The following ACSM3 variants were observed in gnomAD, a reference collection of about 807,000 sequenced individuals.
ACSM3 encodes the protein acyl-coenzyme A synthetase ACSM3, mitochondrial.
ACSM3 carries 61 observed loss-of-function variants against 74.1 expected under a neutral mutation model. The ratio of observed to expected loss-of-function variants is 0.82; its 90% CI spans 0.67 to 1.02. The LOEUF (loss-of-function observed/expected upper bound fraction) is 1.02, where lower values mean the gene tolerates loss of function less well. Among genes scored for constraint, ACSM3 ranks in the 50% least tolerant of loss-of-function variants. ACSM3 has a pLI of 0.00. For missense variants in ACSM3, 660 were observed against 697.0 expected, an observed-to-expected ratio of 0.95 and a Z score of 0.60; for synonymous variants, 213 against 241.5, an observed-to-expected ratio of 0.88 and a Z score of 1.09.
At chr16:20,721,018 A>C (rs2079783364) in intron 1 of ACSM3, 1 of 152,228 alleles carries the variant, frequency 6.6e-6, no homozygotes, top group Non-Finnish European at 1.5e-5. Context: ...TAATATGGGT[A>C]CTATAGACAG....
intron 2 of ACSM3, among the ~76,000 whole-genome samples, chr16:20,771,800 A>G (rs2080197291): frequency 1.3e-5 from 2 of 152,128 alleles, no homozygotes; most frequent in African/African-American, 4.8e-5. Context: ...TAGTTTTTTG[A>G]GAGGCCCTTA....
chr16:20,744,834 G>A (rs576935898), intron 1 of ACSM3, among the ~76,000 whole-genome samples: 4 of 152,264 alleles, frequency 2.6e-5, no homozygotes, highest in African/African-American at 4.8e-5. Context: ...AACCTATTCC[G>A]GTTAGTGGGT....
At chr16:20,740,321 G>T (rs923277045) in intron 1 of ACSM3, among the ~76,000 whole-genome samples, 1 of 152,176 alleles carries the variant, frequency 6.6e-6, no homozygotes, top group Admixed American at 6.5e-5. Context: ...CTTCAGCCCC[G>T]GAGGTGGAAG....
In ACSM3 at chr16:20,745,639, T is replaced by C. The variant is rs939627140; in HGVS notation, c.-189-4271T>C. Among the ~76,000 whole-genome samples the C allele has an allele frequency of 4.6e-5, 7 of 152,152 alleles. No homozygotes were observed. The East Asian group carries it at 1.3e-3, about 29-fold the overall frequency. ...GACCACTTGGCACCTTGTGGCACCATCTAGAGTAGATTAAGGTGATCTGAG... is the reference window on the plus strand; with the variant it reads ...GACCACTTGGCACCTTGTGGCACCACCTAGAGTAGATTAAGGTGATCTGAG... On this transcript the variant is annotated intron_variant, in intron 1 of 3. Transcript: ENST00000561584.
intron 2 of ACSM3, among the ~76,000 whole-genome samples, chr16:20,774,340 C>T (rs1162087473): frequency 6.7e-6 from 1 of 149,058 alleles, no homozygotes; most frequent in Non-Finnish European, 1.5e-5. Flanking sequence ...CTCCCGGGTT[C>T]AAGCGATTCT....
rs768299223 is a variant in ACSM3 at position 20,770,026 on chromosome 16, A to G, written c.-9A>G. 3 of 1,613,894 alleles carry G rather than the reference A, an allele frequency of 1.9e-6. No homozygotes were observed. In the African/African-American group the frequency reaches 4.0e-5, roughly 22 times the overall value. ...CAAATCCTGAGTGCTAAAGCTTCCA[A>G]CAAGACTGATGCTAGCTCGTGTCAC... On this transcript the variant is annotated 5_prime_UTR_variant, in exon 2 of 14. Coordinates refer to ENST00000289416, the MANE Select transcript of ACSM3 (RefSeq NM_005622.4).
chr16:20,764,669 G>A (rs1390163867), intron 1 of ACSM3: 1 of 152,220 alleles, frequency 6.6e-6, no homozygotes, highest in Admixed American at 6.5e-5. Context: ...TTTGCAGTAA[G>A]CTGAGATTGC....
intron 1 of ACSM3, chr16:20,736,966 G>A (rs954251180): frequency 2.5e-6 from 4 of 1,613,980 alleles, no homozygotes; most frequent in African/African-American, 1.3e-5. Flanking sequence ...TTTACCACCT[G>A]TGGATTAGAC....
intron 1 of ACSM3, chr16:20,711,688 T>C (rs1183746562): frequency 2.8e-5 from 15 of 544,968 alleles, no homozygotes; most frequent in Non-Finnish European, 4.0e-5. Flanking sequence ...TCAGTGAGTA[T>C]TTTTCCCAGC....
chr16:20,687,825 T>G (rs2079580089), intron 1 of ACSM3, among the ~76,000 whole-genome samples: 1 of 152,146 alleles, frequency 6.6e-6, no homozygotes, highest in South Asian at 2.1e-4. Flanking sequence ...GGCTCATGCC[T>G]GTAAACCCAG....
intron 1 of ACSM3, among the ~76,000 whole-genome samples, chr16:20,706,905 C>A (rs1488046290): frequency 6.6e-6 from 1 of 152,080 alleles, no homozygotes; most frequent in Non-Finnish European, 1.5e-5. Flanking sequence ...GGATTTTAGT[C>A]CCCAGGCAGA....
chr16:20,685,139 C>T lies in ACSM3; in HGVS notation c.-190+10317C>T, dbSNP rs1357275798. Reference sequence around the variant, plus strand: ...TGCACAGCACCTAATATCTCAGGACCCATTGGTTCTAGAACAGCCCCGAGG... The same window carrying T: ...TGCACAGCACCTAATATCTCAGGACTCATTGGTTCTAGAACAGCCCCGAGG... On this transcript the variant is annotated intron_variant, in intron 1 of 3. Transcript: ENST00000561584. 3.3e-5 allele frequency: 53 copies of T among 1,585,620 alleles called. No homozygotes were observed. In the Admixed American group the frequency reaches 8.8e-4, roughly 26 times the overall value.
intron 1 of ACSM3, among the ~76,000 whole-genome samples, chr16:20,744,637 G>A (rs1168760212): frequency 1.3e-5 from 2 of 152,088 alleles, no homozygotes; most frequent in East Asian, 1.9e-4. Flanking sequence ...TGCCCACTTC[G>A]CCTCCCAAAG....
intron 3 of ACSM3, among the ~76,000 whole-genome samples, chr16:20,757,266 A>G: frequency 6.6e-6 from 1 of 151,782 alleles, no homozygotes; most frequent in African/African-American, 2.4e-5. Context: ...CCTACCCATG[A>G]GCATGGAATG....
intron 1 of ACSM3, among the ~76,000 whole-genome samples, chr16:20,747,266 C>T (rs2079961722): frequency 6.6e-6 from 1 of 152,092 alleles, no homozygotes; most frequent in South Asian, 2.1e-4. Flanking sequence ...CTTCCGCCTT[C>T]CCCCTTATCA....
intron 7 of ACSM3, among the ~76,000 whole-genome samples, chr16:20,782,126 G>C (rs1050541129): frequency 4.6e-5 from 7 of 152,208 alleles, no homozygotes; most frequent in African/African-American, 7.2e-5. Context: ...TATCCCAGCA[G>C]ATAGAAAAGA....
chr16:20,682,831 C>A (rs2079474444), intron 1 of ACSM3, among the ~76,000 whole-genome samples: 1 of 152,148 alleles, frequency 6.6e-6, no homozygotes, highest in African/African-American at 2.4e-5. Flanking sequence ...AGAATAGCTG[C>A]ATCTCTCCCC....
At position 20,717,234 on chromosome 16, in the gene ACSM3, C is replaced by G. The variant is rs562200675; in HGVS notation, c.-189-32676C>G. ...CTCTTCCTCATGACTCTTTTCAGAA[C>G]AAAGAAATATTTCCCATTAAAGCCA... On this transcript the variant is annotated intron_variant, in intron 1 of 3. Coordinates refer to the ACSM3 transcript ENST00000561584. Among the ~76,000 whole-genome samples, 6 of 152,244 alleles carry G rather than the reference C, an allele frequency of 3.9e-5. No homozygotes were observed. In the East Asian group the frequency reaches 1.2e-3, roughly 29 times the overall value.
At chr16:20,727,209 G>T in intron 1 of ACSM3, 1 of 365,990 alleles carries the variant, frequency 2.7e-6, no homozygotes, top group South Asian at 2.1e-5. Context: ...TGTTCAACAA[G>T]TTTTTGTTGA....
Sources: allele counts gnomAD v4.1 joint callset (sites outside exome capture counted in the v4.1 genomes callset), GRCh38; gene constraint gnomAD v4.1.1; transcripts MANE v1.5; gene names NCBI Gene and HGNC (gene_info 2026-07-23, HGNC 2026-07-21).